C1orf198: variants seen among roughly 807,000 people sequenced by gnomAD.
The protein encoded by C1orf198 is chromosome 1 open reading frame 198.
A neutral mutation model predicts 31.4 loss-of-function variants in C1orf198; 17 were observed. That is an observed-to-expected ratio of 0.54 (90% CI 0.37 to 0.81). C1orf198 has a LOEUF of 0.81. C1orf198 is among the 40% of genes least tolerant of loss of function. The probability of loss-of-function intolerance (pLI) is 0.00; values close to 1 mark genes in which losing one functional copy is unlikely to be tolerated. For synonymous variants in C1orf198, 175 were observed against 193.8 expected, an observed-to-expected ratio of 0.90 and a Z score of 0.81; for missense variants, 401 against 450.3, an observed-to-expected ratio of 0.89 and a Z score of 0.99.
Position 230,843,122 on chromosome 1 carries a change from C to T in C1orf198, c.927+232G>A, listed in dbSNP as rs1238990885. Among the ~76,000 whole-genome samples the T allele has an allele frequency of 1.3e-5, 2 of 152,236 alleles. No individual in the cohort carries two copies. Among genetic ancestry groups the T allele is most frequent in the Non-Finnish European group, 1.5e-5 (1 of 68,054 alleles). Reference sequence around the variant, plus strand: ...GGGAAAGCGCAGTGGGCCACGGAACCCTGACTGGTAAACAAATTAGGGCAC... The same window carrying T: ...GGGAAAGCGCAGTGGGCCACGGAACTCTGACTGGTAAACAAATTAGGGCAC... On this transcript the variant is annotated intron_variant, in intron 3 of 3. Coordinates refer to ENST00000366663, the MANE Select transcript of C1orf198 (RefSeq NM_032800.3). This position sits in a 1 kb window ranked among gnomAD's most constrained non-coding sequence, Gnocchi z 4.9.
intron 1 of C1orf198, among the ~76,000 whole-genome samples, chr1:230,862,121 C>T (rs1324842406): frequency 3.9e-5 from 6 of 152,184 alleles, no homozygotes; most frequent in African/African-American, 1.2e-4. Context: ...CACGTTGTTC[C>T]TGGTGAGCTG....
At chr1:230,846,356 A>G (rs1669587645) in intron 2 of C1orf198, among the ~76,000 whole-genome samples, 1 of 152,262 alleles carries the variant, frequency 6.6e-6, no homozygotes, top group Non-Finnish European at 1.5e-5. Context: ...CCTTTCATGC[A>G]CAGTCTTTCA....
intron 2 of C1orf198, among the ~76,000 whole-genome samples, chr1:230,846,911 G>A (rs1032392156): frequency 9.2e-5 from 14 of 152,018 alleles, no homozygotes; most frequent in Non-Finnish European, 1.8e-4. Flanking sequence ...AGACCATCCC[G>A]GCTAAAACGG....
intron 1 of C1orf198, among the ~76,000 whole-genome samples, chr1:230,862,456 A>G (rs995759110): frequency 2.0e-5 from 3 of 152,342 alleles, no homozygotes; most frequent in Non-Finnish European, 2.9e-5. Context: ...CAAAACTTAG[A>G]AGCAACCAAG....
intron 1 of C1orf198, among the ~76,000 whole-genome samples, chr1:230,861,288 G>A (rs796585439): frequency 1.1e-4 from 16 of 152,304 alleles, no homozygotes; most frequent in African/African-American, 3.4e-4. Context: ...GCATATGCAC[G>A]TCTGTGTGTA....
At chr1:230,855,533 C>T (rs1029067925) in intron 2 of C1orf198, 135 bp downstream of exon 2, 8 of 909,820 alleles carry the variant, frequency 8.8e-6, no homozygotes, top group African/African-American at 3.4e-5. Context: ...TCCTTTTCTA[C>T]CAACAATGGA....
intron 2 of C1orf198, among the ~76,000 whole-genome samples, chr1:230,848,984 G>C (rs11803496): frequency 0.097 from 14,753 of 152,242 alleles, 2,093 homozygotes; most frequent in African/African-American, 0.31. Context: ...GTACTGGTAT[G>C]TGTGCACACA....
At chr1:230,867,985 T>C (rs544365009) in intron 1 of C1orf198, among the ~76,000 whole-genome samples, 195 bp downstream of exon 1, 2 of 152,260 alleles carry the variant, frequency 1.3e-5, no homozygotes, top group South Asian at 4.1e-4. Context: ...GGCGATCTCT[T>C]AACCAACTCC....
Position 230,857,739 on chromosome 1 carries a change from A to T in C1orf198, c.334-2021T>A, listed in dbSNP as rs1288767832. Among the ~76,000 whole-genome samples the T allele has an allele frequency of 6.6e-6, 1 of 152,212 alleles. No individual in the cohort carries two copies. Among genetic ancestry groups the T allele is most frequent in the Admixed American group, 6.5e-5 (1 of 15,288 alleles). ...ATATATTTATATCAGGAAAAAAAAC[A>T]CCACTAACAAAGATACTAGGTATAA... On this transcript the variant is annotated intron_variant, in intron 1 of 3. Coordinates refer to ENST00000366663, the MANE Select transcript of C1orf198 (RefSeq NM_032800.3). The surrounding 1 kb of genome is among the most constrained non-coding windows in gnomAD (Gnocchi z 4.2).
In C1orf198 at chr1:230,841,094, G is replaced by A. The variant is rs375443134; in HGVS notation, c.928-1186C>T. Among the ~76,000 whole-genome samples, 64 of 152,312 alleles carry A rather than the reference G, an allele frequency of 4.2e-4. 1 individual carries two copies. Among genetic ancestry groups the A allele is most frequent in the South Asian group, 4.2e-3 (20 of 4,816 alleles). On this transcript the variant is annotated intron_variant, in intron 3 of 3. Coordinates refer to ENST00000366663, the MANE Select transcript of C1orf198 (RefSeq NM_032800.3). ...TCTTTCAGAGGAAGCCCTCAGTGCCGAGTCTCAGAGAAAGAGTGCTGGTTA... is the reference window on the plus strand; with the variant it reads ...TCTTTCAGAGGAAGCCCTCAGTGCCAAGTCTCAGAGAAAGAGTGCTGGTTA...
intron 1 of C1orf198, among the ~76,000 whole-genome samples, chr1:230,867,651 A>G (rs1241870804): frequency 6.6e-6 from 1 of 152,120 alleles, no homozygotes; most frequent in African/African-American, 2.4e-5. Flanking sequence ...CTGGCTTGGC[A>G]ATTTTACTTT....
At chr1:230,868,629 G>C, upstream of C1orf198, 1 of 824,014 alleles carries the variant, frequency 1.2e-6, no homozygotes, top group Non-Finnish European at 1.5e-6. Flanking sequence ...GCACCGCCGC[G>C]TACCCGGGTC....
chr1:230,851,052 A>T (rs1311173389), intron 2 of C1orf198, among the ~76,000 whole-genome samples: 2 of 151,740 alleles, frequency 1.3e-5, no homozygotes, highest in African/African-American at 4.9e-5. Context: ...GTACACACAC[A>T]TCCCTATCAT....
At chr1:230,848,182 G>A (rs977126773) in intron 2 of C1orf198, among the ~76,000 whole-genome samples, 3 of 152,196 alleles carry the variant, frequency 2.0e-5, no homozygotes, top group African/African-American at 7.2e-5. Flanking sequence ...TAGAGAAGAG[G>A]GCTTTGCTGG....
At chr1:230,846,174 T>C (rs976110721) in intron 2 of C1orf198, among the ~76,000 whole-genome samples, 7 of 152,240 alleles carry the variant, frequency 4.6e-5, no homozygotes, top group African/African-American at 9.6e-5. Context: ...ATACAAACAA[T>C]TTAAACCTTT....
chr1:230,862,854 A>C (rs1670031482), intron 1 of C1orf198, among the ~76,000 whole-genome samples: 1 of 152,196 alleles, frequency 6.6e-6, no homozygotes, highest in Non-Finnish European at 1.5e-5. Flanking sequence ...TAAACTATGG[A>C]CTTTGGGTGG....
intron 2 of C1orf198, among the ~76,000 whole-genome samples, chr1:230,853,895 G>A (rs1249009711): frequency 6.6e-6 from 1 of 152,010 alleles, no homozygotes; most frequent in East Asian, 1.9e-4. Context: ...CTTTTTTCTC[G>A]AGATCTTCGC....
Position 230,840,642 on chromosome 1 carries a change from G to A in C1orf198, c.928-734C>T, listed in dbSNP as rs115228255. Among the ~76,000 whole-genome samples, 1,193 of 152,310 alleles carry A rather than the reference G, an allele frequency of 7.8e-3. 9 individuals carry two copies. The highest frequency in any genetic ancestry group is 0.022 in the South Asian group (107 of 4,818). On this transcript the variant is annotated intron_variant, in intron 3 of 3. Coordinates refer to ENST00000366663, the MANE Select transcript of C1orf198 (RefSeq NM_032800.3). The surrounding 1 kb of genome is among the most constrained non-coding windows in gnomAD (Gnocchi z 4.0). ...GGCTTCCACTCAGCAGCCTGTTTCT[G>A]ATGTCCCTTTCCTCCAGCCTAACAC...
chr1:230,844,167 A>G (rs1308791679), intron 2 of C1orf198, among the ~76,000 whole-genome samples: 1 of 152,032 alleles, frequency 6.6e-6, no homozygotes, highest in Non-Finnish European at 1.5e-5. Context: ...TCGAACTGTA[A>G]TCCCCAGTGC....
Sources: allele counts gnomAD v4.1 joint callset (sites outside exome capture counted in the v4.1 genomes callset), GRCh38; gene constraint gnomAD v4.1.1; non-coding constraint Gnocchi (gnomAD v3.1); transcripts MANE v1.5; gene names NCBI Gene and HGNC (gene_info 2026-07-23, HGNC 2026-07-21).